NPNT: variants seen among roughly 807,000 people sequenced by gnomAD.
The protein encoded by NPNT is nephronectin, also known as preosteoblast EGF-like repeat protein with MAM domain.
In NPNT, 45 loss-of-function variants were observed where a neutral mutation model predicts 68.6. The ratio of observed to expected loss-of-function variants is 0.66; its 90% confidence interval spans 0.52 to 0.84. The LOEUF (loss-of-function observed/expected upper bound fraction) is 0.84. Ranked by LOEUF, NPNT falls within the 40% of genes least tolerant of loss-of-function variation. The pLI is 0.00. For missense variants in NPNT, 672 were observed against 714.8 expected (o/e 0.94, Z 0.68); for synonymous variants, 233 against 253.3 (o/e 0.92, Z 0.76).
At chr4:105,920,455 T>C (rs944807211) in intron 2 of NPNT, among the ~76,000 whole-genome samples, 9 of 149,186 alleles carry the variant, frequency 6.0e-5, no homozygotes, top group Non-Finnish European at 1.2e-4. Flanking sequence ...CACTTTTTAA[T>C]GTGTTCTTAA....
chr4:105,910,515 TTGTA>T (rs200015776), intron 2 of NPNT, among the ~76,000 whole-genome samples: 3,070 of 151,876 alleles, frequency 0.02, 100 homozygotes, highest in African/African-American at 0.068. Flanking sequence ...AAAAAAAAAA[TTGTA>T]TGTAAGGCAT....
At chr4:105,948,239 G>T (rs1164837206) in intron 8 of NPNT, among the ~76,000 whole-genome samples, 1 of 152,038 alleles carries the variant, frequency 6.6e-6, no homozygotes, top group Admixed American at 6.6e-5. Context: ...GCATAGAAAA[G>T]GAATATGAAA....
At chr4:105,899,011 TAGAGCTGGCAATGGAGA>T (rs1229193459) in intron 2 of NPNT, among the ~76,000 whole-genome samples, 4 of 152,270 alleles carry the variant, frequency 2.6e-5, no homozygotes, top group Non-Finnish European at 4.4e-5. Flanking sequence ...TTACGAAGGC[TAGAGCTGGCAATGGAGA>T]AGCCTGCCTT....
At chr4:105,908,317 C>G (rs1560891442) in intron 2 of NPNT, among the ~76,000 whole-genome samples, 1 of 151,866 alleles carries the variant, frequency 6.6e-6, no homozygotes, top group Non-Finnish European at 1.5e-5. Context: ...TTCATTTGAT[C>G]AATATCTTTT....
At chr4:105,897,129 C>G (rs997646280) in intron 1 of NPNT, among the ~76,000 whole-genome samples, 1 of 152,164 alleles carries the variant, frequency 6.6e-6, no homozygotes, top group African/African-American at 2.4e-5. Flanking sequence ...TTAGGTGTGA[C>G]TCTAAACAAG....
At position 105,942,434 on chromosome 4, in the gene NPNT, G is replaced by A. The variant is rs143481935; in HGVS notation, c.891G>A (p.Pro297=). ...ATGTTGGAAGTACTTGGTGGCCTCC[G>A]AAGACACCATATATTCCTCCTATCA... ...IPDVGSTWWP[P]KTPYIPPIIT... Residue 297 remains proline, a synonymous_variant, in exon 8 of 12, where the codon CCG becomes CCA. Coordinates refer to ENST00000379987, the MANE Select transcript of NPNT (RefSeq NM_001033047.3). 142 of 1,613,660 alleles carry A rather than the reference G, an allele frequency of 8.8e-5. No homozygotes were observed. The highest frequency in any genetic ancestry group is 2.5e-4 in the East Asian group (11 of 44,858).
At chr4:105,898,128 G>T in intron 2 of NPNT, 127 bp downstream of exon 2, 1 of 606,754 alleles carries the variant, frequency 1.6e-6, no homozygotes. Context: ...CTGACTTGGG[G>T]ATTTTCAGGT....
At chr4:105,895,923 G>A (rs969802692) in intron 1 of NPNT, 200 bp downstream of exon 1, 3 of 573,696 alleles carry the variant, frequency 5.2e-6, no homozygotes, top group Non-Finnish European at 6.2e-6. Flanking sequence ...GCGCGCCCTT[G>A]CGAGTCTGGG....
Position 105,907,323 on chromosome 4 carries a change from A to C in NPNT, c.172+9322A>C, listed in dbSNP as rs185879993. 3.9e-4 allele frequency among the ~76,000 whole-genome samples: 60 copies of C among 152,284 alleles called. 1 individual carries two copies. In the East Asian group the frequency reaches 9.4e-3, roughly 24 times the overall value. ...CTCTCTCAAAAAAAAGCAAATAGTG[A>C]TTTTAAAAATTATGACTCAATGCAT... On this transcript the variant is annotated intron_variant, in intron 2 of 11. Transcript: ENST00000379987.
rs186582473 is a variant in NPNT at position 105,898,362 on chromosome 4, C to G, written c.172+361C>G. ...TCTCTCTCTCTCTCTCTCTCTCTCT[C>G]TCTCTCTCTCTCTCTCTCGCTGACT... On this transcript the variant is annotated intron_variant, in intron 2 of 11. Transcript: ENST00000379987. 8.5e-3 allele frequency among the ~76,000 whole-genome samples: 1,210 copies of G among 142,860 alleles called. 22 individuals are homozygous for G. The highest frequency in any genetic ancestry group is 0.047 in the Admixed American group (683 of 14,554). 93.7% of individuals were successfully genotyped at this position (142,860 alleles called of 152,430 possible). A position where few individuals can be genotyped will look rare whatever the true frequency, so the allele number is the denominator to read the frequency against.
chr4:105,912,248 A>G, intron 2 of NPNT: 1 of 1,523,204 alleles, frequency 6.6e-7, no homozygotes, highest in Non-Finnish European at 8.8e-7. Flanking sequence ...GGTTAGATGA[A>G]CATATTTCTT....
chr4:105,895,740 G>C lies in NPNT; in HGVS notation c.71+17G>C, dbSNP rs1267722625. ...CGACGGGAGGTGAGCTGGGCCCCGG[G>C]GCGCCCTCTCCTCCTTCCCGCGCTA... On this transcript the variant is annotated intron_variant, in intron 1 of 11. Transcript: ENST00000379987. 1 of 1,549,248 alleles carries C rather than the reference G, an allele frequency of 6.5e-7. No homozygotes were observed. Among genetic ancestry groups the C allele is most frequent in the Non-Finnish European group, 8.7e-7 (1 of 1,145,020 alleles).
intron 8 of NPNT, among the ~76,000 whole-genome samples, chr4:105,955,094 C>A (rs943458935): frequency 4.6e-5 from 7 of 152,120 alleles, no homozygotes; most frequent in South Asian, 2.1e-4. Context: ...TTCTCTGATT[C>A]TTTTTTAGTT....
At chr4:105,945,618 G>A (rs1730321739) in intron 8 of NPNT, among the ~76,000 whole-genome samples, 1 of 152,194 alleles carries the variant, frequency 6.6e-6, no homozygotes, top group African/African-American at 2.4e-5. Flanking sequence ...ATATTTAAGT[G>A]TGACCTTTTC....
At chr4:105,913,495 C>G (rs1727541886) in intron 2 of NPNT, among the ~76,000 whole-genome samples, 1 of 152,168 alleles carries the variant, frequency 6.6e-6, no homozygotes, top group Non-Finnish European at 1.5e-5. Context: ...CTTTTCTGAG[C>G]TGCAATGTTG....
At chr4:105,946,650 T>C (rs1384550344) in intron 8 of NPNT, among the ~76,000 whole-genome samples, 1 of 151,748 alleles carries the variant, frequency 6.6e-6, no homozygotes, top group African/African-American at 2.4e-5. Flanking sequence ...GGGTAGGGGG[T>C]ACAAGAACAG....
intron 2 of NPNT, among the ~76,000 whole-genome samples, chr4:105,917,060 C>A (rs1578602844): frequency 6.6e-6 from 1 of 152,182 alleles, no homozygotes; most frequent in East Asian, 1.9e-4. Flanking sequence ...TGCTTGAAAT[C>A]ACATAAAGGT....
rs910421914 is a variant in NPNT at position 105,970,981 on chromosome 4, A to G, written c.*1991A>G. On this transcript the variant is annotated 3_prime_UTR_variant, in exon 12 of 12. Coordinates refer to ENST00000379987, the MANE Select transcript of NPNT (RefSeq NM_001033047.3). ...AAGGAAACTATTTATTCCAAATGAG[A>G]GTATGATGGACAGATATTTTAGTAT... The G allele has an allele frequency of 3.2e-6, 1 of 316,512 alleles. No individual in the cohort carries two copies. The highest frequency in any genetic ancestry group is 6.3e-6 in the Non-Finnish European group (1 of 157,924). 19.6% of individuals were successfully genotyped at this position (316,512 alleles called of 1,614,324 possible).
chr4:105,940,962 G>A (rs1729899209), intron 7 of NPNT, among the ~76,000 whole-genome samples: 1 of 152,068 alleles, frequency 6.6e-6, no homozygotes, highest in Admixed American at 6.6e-5. Context: ...TTTGCCATTA[G>A]CGTTAGATTT....
Sources: gnomAD v4.1 joint callset for allele counts (sites outside exome capture counted in the v4.1 genomes callset) on GRCh38, gnomAD v4.1.1 for gene constraint, MANE v1.5 for transcripts, NCBI Gene and HGNC (gene_info 2026-07-23, HGNC 2026-07-21) for gene names.